MTMR7: variants seen among roughly 807,000 people sequenced by gnomAD.
The protein encoded by MTMR7 is phosphatidylinositol-3-phosphate phosphatase MTMR7.
A neutral mutation model predicts 81.2 loss-of-function variants in MTMR7; 76 were observed. That is an observed-to-expected ratio of 0.94 (90% confidence interval 0.78 to 1.13). The LOEUF is 1.13. Among genes scored for constraint, MTMR7 ranks in the 50% most tolerant of loss-of-function variants. The probability of loss-of-function intolerance (pLI) is 0.00; values close to 1 mark genes in which losing one functional copy is unlikely to be tolerated. For synonymous variants in MTMR7, 372 were observed against 289.8 expected, an observed-to-expected ratio of 1.28 and a Z score of -2.88; for missense variants, 1,044 against 820.0, an observed-to-expected ratio of 1.27 and a Z score of -3.34.
intron 3 of MTMR7, among the ~76,000 whole-genome samples, chr8:17,361,904 G>A (rs7817628): frequency 2.6e-5 from 4 of 152,230 alleles, no homozygotes; most frequent in East Asian, 3.9e-4. Flanking sequence ...CGTGGGATGC[G>A]AATTGAAGGC....
chr8:17,303,237 A>G (rs927332065), intron 12 of MTMR7, among the ~76,000 whole-genome samples: 5 of 152,198 alleles, frequency 3.3e-5, no homozygotes, highest in African/African-American at 1.2e-4. Context: ...GTTGCAATCC[A>G]ACTGGTCATA....
At chr8:17,404,360 T>G (rs1442108274) in intron 1 of MTMR7, among the ~76,000 whole-genome samples, 1 of 152,056 alleles carries the variant, frequency 6.6e-6, no homozygotes, top group Non-Finnish European at 1.5e-5. Context: ...GAAAATTGGG[T>G]GTGAAGCGAG....
intron 7 of MTMR7, among the ~76,000 whole-genome samples, chr8:17,322,471 C>A (rs1203223946): frequency 6.6e-6 from 1 of 152,072 alleles, no homozygotes; most frequent in African/African-American, 2.4e-5. Flanking sequence ...AGGTTTAACA[C>A]GTGGTAAGGA....
intron 7 of MTMR7, among the ~76,000 whole-genome samples, chr8:17,324,883 G>A (rs1200762944): frequency 1.3e-5 from 2 of 152,136 alleles, no homozygotes; most frequent in Non-Finnish European, 2.9e-5. Flanking sequence ...TAAAAACTGA[G>A]ACTACAGAAA....
At chr8:17,324,924 C>T (rs1818597042) in intron 7 of MTMR7, among the ~76,000 whole-genome samples, 1 of 152,138 alleles carries the variant, frequency 6.6e-6, no homozygotes, top group Non-Finnish European at 1.5e-5. Flanking sequence ...TACAGCTTTT[C>T]ATTAGCTCAC....
At chr8:17,400,299 T>A (rs1821389202) in intron 1 of MTMR7, among the ~76,000 whole-genome samples, 1 of 152,044 alleles carries the variant, frequency 6.6e-6, no homozygotes, top group Non-Finnish European at 1.5e-5. Flanking sequence ...CCCTAAGAGG[T>A]GAGTACTGTT....
intron 6 of MTMR7, among the ~76,000 whole-genome samples, chr8:17,334,785 G>C (rs1427344565): frequency 6.6e-6 from 1 of 152,216 alleles, no homozygotes; most frequent in South Asian, 2.1e-4. Flanking sequence ...CAACGGGAGA[G>C]ACAGTGACAA....
intron 1 of MTMR7, among the ~76,000 whole-genome samples, chr8:17,375,690 T>C (rs1317450504): frequency 1.3e-5 from 2 of 152,178 alleles, no homozygotes; most frequent in Non-Finnish European, 2.9e-5. Context: ...TATAACTGCG[T>C]CCTTACCAAA....
At chr8:17,366,891 A>AAAAAAAACAAACAAAC (rs1415861699) in intron 3 of MTMR7, among the ~76,000 whole-genome samples, 3 of 151,572 alleles carry the variant, frequency 2.0e-5, no homozygotes, top group Admixed American at 1.3e-4. Flanking sequence ...ATCTCAAAAA[A>AAAAAAAACAAACAAAC]AAAAAAACTG....
chr8:17,347,386 T>C (rs950557118), intron 5 of MTMR7, among the ~76,000 whole-genome samples: 6 of 152,074 alleles, frequency 3.9e-5, no homozygotes, highest in African/African-American at 1.2e-4. Context: ...CAAATTAATA[T>C]TTTCCTTCAA....
In MTMR7 at chr8:17,298,778, A is replaced by G. The variant is rs962102671; in HGVS notation, c.*1084T>C. 15 of 152,602 alleles carry G rather than the reference A, an allele frequency of 9.8e-5. No homozygotes were observed. The highest frequency in any genetic ancestry group is 3.6e-4 in the African/African-American group (15 of 41,448). 9.5% of individuals were successfully genotyped at this position (152,602 alleles called of 1,614,324 possible). A position where few individuals can be genotyped will look rare whatever the true frequency, so the allele number is the denominator to read the frequency against. On this transcript the variant is annotated 3_prime_UTR_variant, in exon 14 of 14. Transcript: ENST00000180173. ...AGTGAAGTCTTTTTTAACTCATAAGATAGGGGAGGGACTCTCCCTTAAATG... is the reference window on the plus strand; with the variant it reads ...AGTGAAGTCTTTTTTAACTCATAAGGTAGGGGAGGGACTCTCCCTTAAATG...
chr8:17,400,494 A>G (rs544066346), intron 1 of MTMR7, among the ~76,000 whole-genome samples: 59 of 152,310 alleles, frequency 3.9e-4, no homozygotes, highest in African/African-American at 1.4e-3. Context: ...GCGGCCTTAC[A>G]ATGCTATCTC....
intron 6 of MTMR7, among the ~76,000 whole-genome samples, chr8:17,331,665 A>G (rs188476358): frequency 3.0e-4 from 45 of 152,324 alleles, no homozygotes; most frequent in African/African-American, 1.1e-3. Flanking sequence ...ATCAGCAGAA[A>G]CAGCTGTCAA....
chr8:17,380,059 T>C (rs953884606), intron 1 of MTMR7, among the ~76,000 whole-genome samples: 1 of 152,184 alleles, frequency 6.6e-6, no homozygotes, highest in Non-Finnish European at 1.5e-5. Context: ...TGAGTCGATC[T>C]GCAACGTGAA....
intron 2 of MTMR7, among the ~76,000 whole-genome samples, chr8:17,371,709 T>C (rs748013539): frequency 1.1e-4 from 17 of 152,172 alleles, no homozygotes; most frequent in Non-Finnish European, 2.5e-4. Flanking sequence ...GGATTTATTT[T>C]ATCTTTTTAT....
chr8:17,392,963 C>T (rs1821149902), intron 1 of MTMR7, among the ~76,000 whole-genome samples: 1 of 152,140 alleles, frequency 6.6e-6, no homozygotes, highest in Non-Finnish European at 1.5e-5. Context: ...TTATTTAGTG[C>T]TTTAAGTGTA....
chr8:17,392,664 C>A (rs529809105), intron 1 of MTMR7, among the ~76,000 whole-genome samples: 2 of 152,270 alleles, frequency 1.3e-5, no homozygotes, highest in East Asian at 3.9e-4. Flanking sequence ...TTGACGAGAT[C>A]AATGTTTTTA....
At chr8:17,309,112 T>C (rs1330412260) in intron 10 of MTMR7, among the ~76,000 whole-genome samples, 165 bp downstream of exon 10, 2 of 152,240 alleles carry the variant, frequency 1.3e-5, no homozygotes, top group African/African-American at 4.8e-5. Context: ...GAATCAGTTA[T>C]AACTTCATTT....
chr8:17,299,870 T>C lies in MTMR7; in HGVS notation c.1975A>G (p.Thr659Ala). The C allele has an allele frequency of 6.2e-7, 1 of 1,613,988 alleles. No individual in the cohort carries two copies. The highest frequency in any genetic ancestry group is 1.1e-5 in the South Asian group (1 of 91,076). The change falls in exon 14 of 14, where the codon ACT becomes GCT. Residue 659 changes from threonine (T) to alanine (A), a missense_variant. Thr to Ala is a moderately conservative substitution (Grantham distance 58). Coordinates refer to ENST00000180173, the MANE Select transcript of MTMR7 (RefSeq NM_004686.5). ...DRDSDEAVFL[T>A]A ...AACTCCAAAGGGAAACTTCAGGCAGTGAGAAACACGGCTTCATCAGAATCC... is the reference window on the plus strand; with the variant it reads ...AACTCCAAAGGGAAACTTCAGGCAGCGAGAAACACGGCTTCATCAGAATCC...
Sources: allele counts gnomAD v4.1 joint callset (sites outside exome capture counted in the v4.1 genomes callset), GRCh38; gene constraint gnomAD v4.1.1; transcripts MANE v1.5; gene names NCBI Gene and HGNC (gene_info 2026-07-23, HGNC 2026-07-21).